Variants in WWOX observed in about 807,000 individuals in gnomAD.
WWOX encodes WW domain-containing oxidoreductase.
A neutral mutation model predicts 46.2 loss-of-function variants in WWOX; 69 were observed. The ratio of observed to expected loss-of-function variants is 1.49; its 90% confidence interval spans 1.23 to 1.82. The LOEUF (loss-of-function observed/expected upper bound fraction) is 1.82, where lower values mean the gene tolerates loss of function less well. WWOX is among the 40% of genes most tolerant of loss of function. The probability of loss-of-function intolerance (pLI) is 0.00; values close to 1 mark genes in which losing one functional copy is unlikely to be tolerated. For missense variants in WWOX, 919 were observed against 542.6 expected, an observed-to-expected ratio of 1.69 and a Z score of -6.89; for synonymous variants, 359 against 202.6, an observed-to-expected ratio of 1.77 and a Z score of -6.56.
At chr16:79,048,618 T>G (rs56105124) in intron 8 of WWOX, among the ~76,000 whole-genome samples, 5,198 of 152,226 alleles carry the variant, frequency 0.034, 318 homozygotes, top group African/African-American at 0.12. Context: ...ATGTGTTGTG[T>G]TTTTTTGTTT....
At chr16:78,950,761 A>G (rs1191342162) in intron 8 of WWOX, among the ~76,000 whole-genome samples, 1 of 152,150 alleles carries the variant, frequency 6.6e-6, no homozygotes. Context: ...TGAAATCTGG[A>G]ATGATCTACT....
intron 8 of WWOX, among the ~76,000 whole-genome samples, chr16:78,562,953 G>C (rs2044474128): frequency 6.6e-6 from 1 of 151,948 alleles, no homozygotes; most frequent in African/African-American, 2.4e-5. Flanking sequence ...GCCATATGCT[G>C]TGCAGATCCC....
intron 8 of WWOX, among the ~76,000 whole-genome samples, chr16:78,475,094 C>T (rs374735187): frequency 6.6e-6 from 1 of 152,034 alleles, no homozygotes; most frequent in Non-Finnish European, 1.5e-5. Context: ...CTGATAAAAC[C>T]ACTGCTCATT....
chr16:78,274,416 T>C (rs2079540103), intron 5 of WWOX, among the ~76,000 whole-genome samples: 1 of 152,190 alleles, frequency 6.6e-6, no homozygotes, highest in South Asian at 2.1e-4. Flanking sequence ...TTCTAAACTC[T>C]TCAGGTTAGA....
At chr16:78,914,231 T>C (rs1340071143) in intron 8 of WWOX, among the ~76,000 whole-genome samples, 1 of 152,046 alleles carries the variant, frequency 6.6e-6, no homozygotes, top group African/African-American at 2.4e-5. Flanking sequence ...TGTCTATCCA[T>C]CCGTCTATTC....
intron 8 of WWOX, among the ~76,000 whole-genome samples, chr16:78,907,963 A>G (rs964787146): frequency 1.3e-5 from 2 of 152,220 alleles, no homozygotes; most frequent in East Asian, 1.9e-4. Flanking sequence ...GGCTGGGATC[A>G]GTGCACAGCT....
intron 5 of WWOX, among the ~76,000 whole-genome samples, chr16:78,365,999 T>G (rs996844204): frequency 2.0e-5 from 3 of 152,200 alleles, no homozygotes; most frequent in African/African-American, 7.2e-5. Flanking sequence ...ATTTGAAGCT[T>G]CTTTTCCTAG....
chr16:78,882,269 C>T (rs74032410), intron 8 of WWOX, among the ~76,000 whole-genome samples: 135 of 152,240 alleles, frequency 8.9e-4, no homozygotes, highest in African/African-American at 3.1e-3. Context: ...GACAATTATA[C>T]CTAGGGAGCC....
At chr16:78,278,713 G>A (rs1184595398) in intron 5 of WWOX, 3 of 1,518,038 alleles carry the variant, frequency 2.0e-6, no homozygotes, top group Middle Eastern at 1.7e-4. Context: ...ATCTTCTTTT[G>A]TGGGTATTTC....
intron 8 of WWOX, among the ~76,000 whole-genome samples, chr16:78,650,549 G>C (rs529711394): frequency 6.6e-6 from 1 of 152,158 alleles, no homozygotes. Flanking sequence ...CAGGACACCT[G>C]CCTGCAAATG....
intron 8 of WWOX, among the ~76,000 whole-genome samples, chr16:78,492,057 G>A (rs2738714): frequency 0.096 from 14,553 of 152,078 alleles, 798 homozygotes; most frequent in African/African-American, 0.15. Flanking sequence ...TGTGCTTTGG[G>A]GTTAGTCTCT....
At chr16:78,753,122 C>A (rs1347256687) in intron 8 of WWOX, among the ~76,000 whole-genome samples, 1 of 152,040 alleles carries the variant, frequency 6.6e-6, no homozygotes, top group African/African-American at 2.4e-5. Flanking sequence ...TGGTGAAACC[C>A]CGTCTCTACT....
intron 5 of WWOX, among the ~76,000 whole-genome samples, chr16:78,268,240 A>G (rs985268037): frequency 2.6e-5 from 4 of 151,592 alleles, no homozygotes; most frequent in Non-Finnish European, 5.9e-5. Context: ...AGTATTCCTT[A>G]AAAAAAAAGT....
At chr16:78,562,685 C>T (rs536783846) in intron 8 of WWOX, among the ~76,000 whole-genome samples, 8 of 152,276 alleles carry the variant, frequency 5.3e-5, no homozygotes, top group Admixed American at 5.2e-4. Flanking sequence ...CCTTTGAGGC[C>T]ATCTGCACTC....
chr16:78,541,275 C>G (rs980683440), intron 8 of WWOX, among the ~76,000 whole-genome samples: 2 of 151,280 alleles, frequency 1.3e-5, no homozygotes, highest in East Asian at 3.9e-4. Context: ...GAGATCGAGA[C>G]CATCCCGGCT....
chr16:79,131,844 A>C (rs920301804), intron 8 of WWOX, among the ~76,000 whole-genome samples: 1 of 152,234 alleles, frequency 6.6e-6, no homozygotes, highest in Non-Finnish European at 1.5e-5. Context: ...GGGAAGCCTT[A>C]CAATCATGGT....
chr16:78,125,300 G>T (rs542885796), intron 4 of WWOX, among the ~76,000 whole-genome samples: 2 of 152,272 alleles, frequency 1.3e-5, no homozygotes, highest in East Asian at 3.9e-4. Flanking sequence ...GCGGGTGCCT[G>T]CAGGATAGAT....
chr16:78,956,739 C>T (rs1425859898), intron 8 of WWOX, among the ~76,000 whole-genome samples: 1 of 152,024 alleles, frequency 6.6e-6, no homozygotes, highest in African/African-American at 2.4e-5. Context: ...AAAAGTGTGC[C>T]ACAAACAAGA....
chr16:79,143,121 A>G (rs1352285219), intron 8 of WWOX, among the ~76,000 whole-genome samples: 2 of 152,202 alleles, frequency 1.3e-5, no homozygotes, highest in East Asian at 3.9e-4. Flanking sequence ...AGTTTAAGGG[A>G]CTGTTTGTCA....
Sources: gnomAD v4.1 joint callset for allele counts (sites outside exome capture counted in the v4.1 genomes callset) on GRCh38, gnomAD v4.1.1 for gene constraint, MANE v1.5 for transcripts, NCBI Gene and HGNC (gene_info 2026-07-23, HGNC 2026-07-21) for gene names.